The following CRPPA variants were observed in gnomAD, a reference collection of about 807,000 sequenced individuals.
The protein encoded by CRPPA is CDP-L-ribitol pyrophosphorylase A.
CRPPA carries 43 observed loss-of-function variants against 52.0 expected under a neutral mutation model. The ratio of observed to expected loss-of-function variants is 0.83; its 90% CI spans 0.65 to 1.07. CRPPA has a LOEUF of 1.07. Ranked by LOEUF, CRPPA falls within the 50% of genes least tolerant of loss-of-function variation. The probability of loss-of-function intolerance (pLI) is 0.00; values close to 1 mark genes in which losing one functional copy is unlikely to be tolerated. For synonymous variants in CRPPA, 250 were observed against 203.5 expected, an observed-to-expected ratio of 1.23 and a Z score of -1.94; for missense variants, 629 against 551.7, an observed-to-expected ratio of 1.14 and a Z score of -1.40.
chr7:16,398,897 T>A (rs1256325581), intron 2 of CRPPA, among the ~76,000 whole-genome samples: 13 of 152,052 alleles, frequency 8.5e-5, no homozygotes, highest in Admixed American at 5.9e-4. Flanking sequence ...TCAGCACATG[T>A]CCAACAAGTG....
rs1788338840 is a variant in CRPPA, at chr7:16,421,479, TG to T, written c.-158del. On this transcript the variant is annotated 5_prime_UTR_variant, in exon 1 of 10. Coordinates refer to ENST00000407010, the MANE Select transcript of CRPPA (RefSeq NM_001101426.4). ...CCCCCCTCAGCCGTCGGAGCCCCGC[TG>T]TTGCTGCCCCGCAGGGGACGATCCC... 1.3e-5 allele frequency among the ~76,000 whole-genome samples: 2 copies of T among 152,186 alleles called. No homozygotes were observed. Among genetic ancestry groups the T allele is most frequent in the Non-Finnish European group, 2.9e-5 (2 of 67,980 alleles).
At chr7:16,321,592 T>C (rs1785266579) in intron 3 of CRPPA, among the ~76,000 whole-genome samples, 1 of 152,022 alleles carries the variant, frequency 6.6e-6, no homozygotes, top group Admixed American at 6.6e-5. Flanking sequence ...CCAAGAAATA[T>C]AGGGAAGGGA....
At position 16,421,050 on chromosome 7, in the gene CRPPA, C is replaced by T; in HGVS notation, c.257+16G>A. ...GGGCCCCAGGGAACCGCGGGGCGCG[C>T]CCGGCGCCGCATTACCTCTCCAGGG... On this transcript the variant is annotated intron_variant, in intron 1 of 9. Transcript: ENST00000407010. 2 of 1,263,706 alleles carry T rather than the reference C, an allele frequency of 1.6e-6. No homozygotes were observed. The highest frequency in any genetic ancestry group is 3.4e-5 in the South Asian group (1 of 29,444). 78.3% of individuals were successfully genotyped at this position (1,263,706 alleles called of 1,614,324 possible). A position where few individuals can be genotyped will look rare whatever the true frequency, so the allele number is the denominator to read the frequency against.
chr7:16,191,443 G>A (rs1315910814), intron 9 of CRPPA, among the ~76,000 whole-genome samples: 2 of 152,076 alleles, frequency 1.3e-5, no homozygotes, highest in Non-Finnish European at 2.9e-5. Context: ...GAGTAAAATA[G>A]ATTTGCAGAC....
At chr7:16,170,233 T>C (rs936000606) in intron 9 of CRPPA, among the ~76,000 whole-genome samples, 1 of 152,164 alleles carries the variant, frequency 6.6e-6, no homozygotes, top group African/African-American at 2.4e-5. Context: ...GAGTAAACGA[T>C]TACAATTACA....
intron 3 of CRPPA, among the ~76,000 whole-genome samples, chr7:16,350,329 C>A (rs1434231117): frequency 6.6e-6 from 1 of 152,078 alleles, no homozygotes; most frequent in Non-Finnish European, 1.5e-5. Context: ...GGTAGAAGTA[C>A]ATTGTCAAAT....
intron 3 of CRPPA, among the ~76,000 whole-genome samples, chr7:16,328,762 G>A (rs936120081): frequency 6.6e-5 from 10 of 152,088 alleles, no homozygotes; most frequent in Admixed American, 2.6e-4. Flanking sequence ...TGATCCACCC[G>A]CCTCAGCCTC....
intron 6 of CRPPA, among the ~76,000 whole-genome samples, chr7:16,272,649 G>T (rs1784115375): frequency 6.6e-6 from 1 of 152,136 alleles, no homozygotes; most frequent in Admixed American, 6.5e-5. Context: ...CTTTATAAGG[G>T]AAGGGAAAAA....
intron 9 of CRPPA, among the ~76,000 whole-genome samples, chr7:16,212,578 A>G (rs746897479): frequency 5.9e-5 from 9 of 152,234 alleles, no homozygotes; most frequent in Non-Finnish European, 1.2e-4. Flanking sequence ...ATAATAGTTC[A>G]GGTGAAGTTT....
At chr7:16,155,588 G>A (rs1562529523) in intron 9 of CRPPA, among the ~76,000 whole-genome samples, 1 of 152,120 alleles carries the variant, frequency 6.6e-6, no homozygotes, top group Non-Finnish European at 1.5e-5. Flanking sequence ...TGAGGAATAC[G>A]ACATATTTTC....
chr7:16,377,090 G>A (rs995939891), intron 2 of CRPPA, among the ~76,000 whole-genome samples: 2 of 152,160 alleles, frequency 1.3e-5, no homozygotes, highest in African/African-American at 4.8e-5. Context: ...TAAAACAAAT[G>A]TCTTCTTGAT....
chr7:16,293,327 A>G (rs926779538), intron 5 of CRPPA, among the ~76,000 whole-genome samples: 2 of 94,964 alleles, frequency 2.1e-5, no homozygotes, highest in African/African-American at 1.0e-4. Flanking sequence ...AGCCATTTCC[A>G]AAAGATGTTT....
intron 9 of CRPPA, among the ~76,000 whole-genome samples, chr7:16,187,315 C>G (rs1444859937): frequency 2.0e-5 from 3 of 152,124 alleles, no homozygotes; most frequent in Non-Finnish European, 4.4e-5. Flanking sequence ...AGACAAATTT[C>G]TAGGGGATTT....
chr7:16,395,799 T>C (rs1404632168), intron 2 of CRPPA, among the ~76,000 whole-genome samples: 1 of 152,248 alleles, frequency 6.6e-6, no homozygotes, highest in Non-Finnish European at 1.5e-5. Flanking sequence ...TGTTAAACCA[T>C]AGATACTGTC....
intron 9 of CRPPA, among the ~76,000 whole-genome samples, chr7:16,158,766 C>A (rs755594907): frequency 6.6e-6 from 1 of 152,160 alleles, no homozygotes; most frequent in African/African-American, 2.4e-5. Flanking sequence ...TAGCTATCAG[C>A]TAAAGACTTT....
rs1554309930 is a variant in CRPPA at position 16,286,095 on chromosome 7, A to ATATAT, written c.836-7870_836-7869insATATA. ...TATATATATATAATATTTAAAAAAA[A>ATATAT]AAATATATATATATATATATATGCC... On this transcript the variant is annotated intron_variant, in intron 5 of 9. Coordinates refer to ENST00000407010, the MANE Select transcript of CRPPA (RefSeq NM_001101426.4). Among the ~76,000 whole-genome samples, 70 of 26,516 alleles carry ATATAT rather than the reference A, an allele frequency of 2.6e-3. 10 individuals carry two copies. Among genetic ancestry groups the ATATAT allele is most frequent in the African/African-American group, 3.7e-3 (11 of 2,976 alleles). 17.4% of individuals were successfully genotyped at this position (26,516 alleles called of 152,430 possible).
intron 2 of CRPPA, among the ~76,000 whole-genome samples, chr7:16,380,334 T>C (rs1787045972): frequency 6.6e-6 from 1 of 152,038 alleles, no homozygotes; most frequent in African/African-American, 2.4e-5. Context: ...ATCCCAGGGA[T>C]GAAGCCCACT....
intron 1 of CRPPA, 65 bp downstream of exon 1, chr7:16,421,001 C>T: frequency 1.6e-6 from 2 of 1,238,558 alleles, no homozygotes; most frequent in Non-Finnish European, 2.1e-6. Flanking sequence ...GCTAGAGCAG[C>T]GGCAGGGCGG....
chr7:16,242,004 G>A (rs111908024), intron 8 of CRPPA, among the ~76,000 whole-genome samples: 5 of 126,156 alleles, frequency 4.0e-5, no homozygotes, highest in Non-Finnish European at 7.8e-5. Flanking sequence ...TGTCACCCAG[G>A]CTGGAATGCA....
Sources: gnomAD v4.1 joint callset for allele counts (sites outside exome capture counted in the v4.1 genomes callset) on GRCh38, gnomAD v4.1.1 for gene constraint, MANE v1.5 for transcripts, NCBI Gene and HGNC (gene_info 2026-07-23, HGNC 2026-07-21) for gene names.